Variants in MEF2A observed in about 807,000 individuals in gnomAD.
The protein encoded by MEF2A is myocyte enhancer factor 2A.
In MEF2A, 28 loss-of-function variants were observed where a neutral mutation model predicts 55.8. That is an observed-to-expected ratio of 0.50 (90% CI 0.37 to 0.69). MEF2A has a LOEUF of 0.69. Among genes scored for constraint, MEF2A ranks in the 30% least tolerant of loss-of-function variants. The pLI, the probability that MEF2A is intolerant of heterozygous loss-of-function variation, is 0.00. For missense variants in MEF2A, 528 were observed against 626.2 expected (o/e 0.84, Z 1.67); for synonymous variants, 239 against 227.1 (o/e 1.05, Z -0.47).
At chr15:99,694,633 G>A (rs1373450063) in intron 8 of MEF2A, among the ~76,000 whole-genome samples, 1 of 152,150 alleles carries the variant, frequency 6.6e-6, no homozygotes, top group Admixed American at 6.5e-5. Flanking sequence ...TATTTACCAG[G>A]TTTCTTTTCT....
At chr15:99,661,406 G>T (rs1388885034) in intron 4 of MEF2A, among the ~76,000 whole-genome samples, 1 of 142,740 alleles carries the variant, frequency 7.0e-6, no homozygotes, top group East Asian at 2.1e-4. Context: ...TGCATCCAAA[G>T]ATAAGCGTTT....
chr15:99,593,185 C>T (rs1446277550), intron 1 of MEF2A, among the ~76,000 whole-genome samples: 1 of 152,132 alleles, frequency 6.6e-6, no homozygotes, highest in Admixed American at 6.6e-5. Context: ...TTTTGCTAAT[C>T]TGTCGCACAA....
At chr15:99,581,190 A>G (rs762935836) in intron 1 of MEF2A, among the ~76,000 whole-genome samples, 1 of 152,184 alleles carries the variant, frequency 6.6e-6, no homozygotes, top group Non-Finnish European at 1.5e-5. Flanking sequence ...GGAGTAAGAA[A>G]TAGACTTAAC....
At chr15:99,567,803 A>G (rs1960381433) in intron 1 of MEF2A, among the ~76,000 whole-genome samples, 1 of 152,196 alleles carries the variant, frequency 6.6e-6, no homozygotes, top group Non-Finnish European at 1.5e-5. Flanking sequence ...TGTATATCAT[A>G]AAACATTAAG....
At chr15:99,602,608 T>G (rs1203362026) in intron 2 of MEF2A, among the ~76,000 whole-genome samples, 1 of 151,128 alleles carries the variant, frequency 6.6e-6, no homozygotes, top group Non-Finnish European at 1.5e-5. Context: ...AGAGACAGTT[T>G]AACAACTGCC....
intron 1 of MEF2A, among the ~76,000 whole-genome samples, chr15:99,584,098 G>A (rs914107176): frequency 2.0e-5 from 3 of 152,104 alleles, no homozygotes; most frequent in African/African-American, 7.2e-5. Flanking sequence ...AACGTGGAAA[G>A]GGTACAGTAA....
At chr15:99,626,732 G>A (rs1040544160) in intron 2 of MEF2A, among the ~76,000 whole-genome samples, 2 of 152,068 alleles carry the variant, frequency 1.3e-5, no homozygotes, top group Admixed American at 1.3e-4. Context: ...ATGAATTTGG[G>A]GAGAATTAAC....
chr15:99,706,611 G>A lies in MEF2A; in HGVS notation c.883-118G>A. On this transcript the variant is annotated intron_variant, in intron 9 of 11. Coordinates refer to ENST00000557942, the MANE Select transcript of MEF2A (RefSeq NM_001319206.4). ...TATTTTTGAAGTTTTCACATCATCAGTGCTTCAGAAAATGACATTCATATG... is the reference window on the plus strand; with the variant it reads ...TATTTTTGAAGTTTTCACATCATCAATGCTTCAGAAAATGACATTCATATG... 1.1e-5 allele frequency: 12 copies of A among 1,136,482 alleles called. 1 individual carries two copies. The South Asian group carries it at 1.3e-4, about 13-fold the overall frequency. The allele number at this position is 1,136,482 out of a possible 1,614,324, so 70.4% of individuals were successfully genotyped here.
At chr15:99,662,080 G>C (rs2048748514) in intron 4 of MEF2A, among the ~76,000 whole-genome samples, 1 of 152,138 alleles carries the variant, frequency 6.6e-6, no homozygotes, top group African/African-American at 2.4e-5. Flanking sequence ...TATTTTTAGG[G>C]ATATGTATAT....
intron 2 of MEF2A, among the ~76,000 whole-genome samples, chr15:99,614,982 GT>G (rs1361197568): frequency 6.6e-6 from 1 of 152,184 alleles, no homozygotes; most frequent in Non-Finnish European, 1.5e-5. Context: ...TTTAAGAACA[GT>G]GATAAGTGAC....
intron 9 of MEF2A, among the ~76,000 whole-genome samples, chr15:99,706,139 A>G (rs1313773919): frequency 6.6e-6 from 1 of 152,196 alleles, no homozygotes; most frequent in Non-Finnish European, 1.5e-5. Context: ...TCTCTACTCA[A>G]AGCCTCTGCT....
chr15:99,642,956 G>A (rs1180514404), intron 3 of MEF2A, among the ~76,000 whole-genome samples: 1 of 152,124 alleles, frequency 6.6e-6, no homozygotes, highest in Non-Finnish European at 1.5e-5. Context: ...ATGTGTCCAT[G>A]TTTTTAGAGG....
intron 7 of MEF2A, among the ~76,000 whole-genome samples, chr15:99,688,543 G>A (rs1402540172): frequency 1.3e-5 from 2 of 152,154 alleles, no homozygotes; most frequent in East Asian, 3.9e-4. Context: ...AGATCATGAG[G>A]TCAGGAGATC....
chr15:99,575,177 A>G (rs1012272224), intron 1 of MEF2A, among the ~76,000 whole-genome samples: 1 of 152,200 alleles, frequency 6.6e-6, no homozygotes, highest in Admixed American at 6.5e-5. Flanking sequence ...TTACATTAGT[A>G]TGGGGGATTC....
At chr15:99,623,805 GTT>G (rs376836592) in intron 2 of MEF2A, among the ~76,000 whole-genome samples, 5 of 139,108 alleles carry the variant, frequency 3.6e-5, no homozygotes, top group Non-Finnish European at 3.1e-5. Flanking sequence ...ATGATCTGCC[GTT>G]TTTTTTTTTT....
chr15:99,709,739 A>T (rs922199739), intron 10 of MEF2A, among the ~76,000 whole-genome samples: 2 of 152,234 alleles, frequency 1.3e-5, no homozygotes, highest in African/African-American at 4.8e-5. Flanking sequence ...TGTGAGTGAT[A>T]ACTAACGTCC....
intron 4 of MEF2A, among the ~76,000 whole-genome samples, chr15:99,653,474 G>A (rs890135553): frequency 6.6e-6 from 1 of 152,228 alleles, no homozygotes; most frequent in African/African-American, 2.4e-5. Context: ...CCAAATGATA[G>A]TATGAATTAT....
In MEF2A at chr15:99,674,611, A is replaced by G. The variant is rs763057551; in HGVS notation, c.609A>G (p.Ala203=). The G allele has an allele frequency of 7.5e-6, 12 of 1,610,306 alleles. No homozygotes were observed. Among genetic ancestry groups the G allele is most frequent in the East Asian group, 2.2e-5 (1 of 44,888 alleles). The change falls in exon 6 of 12, where the codon GCA becomes GCG. Residue 203 remains alanine (A), a splice_region_variant and synonymous_variant. Coordinates refer to ENST00000557942, the MANE Select transcript of MEF2A (RefSeq NM_001319206.4). The part of the protein sequence containing the change: ...APQRPPSTGN[A]GGMLSTTDLT... ...AGAGACCACCAAGTACTGGCAATGC[A>G]GGTATGTAGTGATACCTATTATGCT... is the stretch of plus-strand genomic sequence containing the variant.
At chr15:99,696,863 T>C (rs973974917) in intron 8 of MEF2A, among the ~76,000 whole-genome samples, 1 of 152,078 alleles carries the variant, frequency 6.6e-6, no homozygotes, top group Non-Finnish European at 1.5e-5. Context: ...AAAAAAAGTC[T>C]ACAAATCCAT....
Sources: allele counts gnomAD v4.1 joint callset (sites outside exome capture counted in the v4.1 genomes callset), GRCh38; gene constraint gnomAD v4.1.1; transcripts MANE v1.5; gene names NCBI Gene and HGNC (gene_info 2026-07-23, HGNC 2026-07-21).